BLTP3B: variants seen among roughly 807,000 people sequenced by gnomAD.
BLTP3B encodes UHRF1 (ICBP90) binding protein 1-like.
the BLTP3B span, among the ~76,000 whole-genome samples, chr12:100,123,957 C>G: frequency 6.6e-6 from 1 of 152,144 alleles, no homozygotes; most frequent in Non-Finnish European, 1.5e-5. Flanking sequence ...TTAAAAATCT[C>G]AATTTGTTGT....
chr12:100,098,228 C>G, the BLTP3B span: 1 of 1,060,070 alleles, frequency 9.4e-7, no homozygotes, highest in Non-Finnish European at 1.3e-6. Flanking sequence ...CCCGCACCCT[C>G]CCCAAAAAAA....
the BLTP3B span, chr12:100,058,719 G>T: frequency 6.2e-7 from 1 of 1,613,956 alleles, no homozygotes; most frequent in Non-Finnish European, 8.5e-7. Context: ...TGTCTGACTA[G>T]CAGGACTGCC....
the BLTP3B span, among the ~76,000 whole-genome samples, chr12:100,113,092 G>T: frequency 6.6e-6 from 1 of 151,542 alleles, no homozygotes; most frequent in East Asian, 1.9e-4. Context: ...GATCACCTGG[G>T]CCCAGGAGGT....
chr12:100,057,681 T>C, the BLTP3B span: 29 of 1,612,328 alleles, frequency 1.8e-5, no homozygotes, highest in Non-Finnish European at 2.5e-5. Flanking sequence ...AGAGCTTCTT[T>C]TCATATTCTT....
the BLTP3B span, chr12:100,048,042 T>G: frequency 3.7e-6 from 6 of 1,611,974 alleles, no homozygotes; most frequent in Non-Finnish European, 5.1e-6. Context: ...TAAGAGAAGA[T>G]GTAAGAAACT....
At chr12:100,047,861 A>G in the BLTP3B span, 6 of 1,248,406 alleles carry the variant, frequency 4.8e-6, no homozygotes, top group Non-Finnish European at 6.5e-6. Context: ...TATATTTTAT[A>G]GAGAAGGCAC....
chr12:100,121,040 T>A, the BLTP3B span, among the ~76,000 whole-genome samples: 1 of 152,030 alleles, frequency 6.6e-6, no homozygotes, highest in Non-Finnish European at 1.5e-5. Context: ...TGCATATTTA[T>A]ATAAAAATCT....
chr12:100,135,281 C>CTTTTTTTTTTTT, the BLTP3B span, among the ~76,000 whole-genome samples: 454 of 141,186 alleles, frequency 3.2e-3, 5 homozygotes, highest in African/African-American at 3.6e-3. Context: ...TTCTTTCTTT[C>CTTTTTTTTTTTT]TTTTTTTTTT....
chr12:100,102,262 G>A, the BLTP3B span, among the ~76,000 whole-genome samples: 2 of 151,906 alleles, frequency 1.3e-5, no homozygotes, highest in Admixed American at 1.3e-4. Context: ...GGTGCATGGC[G>A]CCATGCCCAG....
At chr12:100,121,069 C>T in the BLTP3B span, among the ~76,000 whole-genome samples, 3 of 151,846 alleles carry the variant, frequency 2.0e-5, no homozygotes, top group Admixed American at 6.6e-5. Flanking sequence ...CAAACTAGGC[C>T]GGGCACAGTG....
At chr12:100,039,906 T>C in the BLTP3B span, 16 of 874,976 alleles carry the variant, frequency 1.8e-5, no homozygotes, top group African/African-American at 1.9e-4. Context: ...GTTATGAGGA[T>C]AGTAGTATGA....
chr12:100,141,587 A>C, the BLTP3B span, among the ~76,000 whole-genome samples: 3 of 152,170 alleles, frequency 2.0e-5, no homozygotes, highest in African/African-American at 7.2e-5. Flanking sequence ...GGTATAAGAC[A>C]ATCTGGGGAA....
the BLTP3B span, among the ~76,000 whole-genome samples, chr12:100,127,398 A>G: frequency 6.6e-6 from 1 of 152,250 alleles, no homozygotes; most frequent in South Asian, 2.1e-4. Flanking sequence ...TTGCTTTAGC[A>G]TATAGCCAAT....
At chr12:100,074,369 C>A in the BLTP3B span, among the ~76,000 whole-genome samples, 2 of 152,064 alleles carry the variant, frequency 1.3e-5, no homozygotes, top group Admixed American at 6.6e-5. Flanking sequence ...GAGGCTGAGG[C>A]GGGCAGATCA....
the BLTP3B span, chr12:100,095,631 AAAGT>A: frequency 3.2e-6 from 5 of 1,572,852 alleles, no homozygotes; most frequent in Admixed American, 4.3e-5. Flanking sequence ...ATTTTCATGT[AAAGT>A]AAGTATTTTT....
chr12:100,110,390 T>C, the BLTP3B span, among the ~76,000 whole-genome samples: 1 of 152,204 alleles, frequency 6.6e-6, no homozygotes, highest in African/African-American at 2.4e-5. Flanking sequence ...TCACGCTTGA[T>C]TCAATACCAC....
the BLTP3B span, among the ~76,000 whole-genome samples, chr12:100,137,209 A>T: frequency 2.6e-5 from 4 of 151,988 alleles, no homozygotes; most frequent in Admixed American, 6.6e-5. Flanking sequence ...CAATTATCTC[A>T]TTCCTTTACT....
the BLTP3B span, among the ~76,000 whole-genome samples, chr12:100,047,072 C>T: frequency 6.6e-6 from 1 of 152,110 alleles, no homozygotes; most frequent in South Asian, 2.1e-4. Context: ...TACTTTATTA[C>T]AATGTACTGA....
chr12:100,076,698 T>A, the BLTP3B span, among the ~76,000 whole-genome samples: 2 of 152,242 alleles, frequency 1.3e-5, no homozygotes, highest in Non-Finnish European at 2.9e-5. Flanking sequence ...CCAGCCAAAT[T>A]GCTTAATCAA....
Sources: allele counts gnomAD v4.1 joint callset (sites outside exome capture counted in the v4.1 genomes callset), GRCh38; gene constraint gnomAD v4.1.1; transcripts MANE v1.5; gene names NCBI Gene and HGNC (gene_info 2026-07-23, HGNC 2026-07-21).